Variants in TEX11 observed in about 807,000 individuals in gnomAD.
The protein encoded by TEX11 is testis-expressed protein 11.
In TEX11, 7 loss-of-function variants were observed where a neutral mutation model predicts 84.4. The ratio of observed to expected loss-of-function variants is 0.08; its 90% confidence interval spans 0.05 to 0.16. The LOEUF (loss-of-function observed/expected upper bound fraction) is 0.16. Ranked by LOEUF, TEX11 falls within the 10% of genes least tolerant of loss-of-function variation. The pLI is 1.00. For missense variants in TEX11, 551 were observed against 660.5 expected, an observed-to-expected ratio of 0.83 and a Z score of 1.82; for synonymous variants, 264 against 222.8, an observed-to-expected ratio of 1.18 and a Z score of -1.64.
the TEX11 span, among the ~76,000 whole-genome samples, chrX:70,514,213 C>T: frequency 2.7e-5 from 3 of 109,485 alleles, no homozygotes; most frequent in Non-Finnish European, 5.7e-5. Context: ...CCTAAGAAGG[C>T]GTCCTTTAGA....
At position 70,839,559 on chromosome X, in the gene TEX11, T is replaced by C. The variant is rs1458511948; in HGVS notation, c.526-5966A>G. On this transcript the variant is annotated intron_variant, in intron 7 of 29. Transcript: ENST00000374333. ...TGGGAAAAAAACAGAGCAGAAAAAC[T>C]GGAAACTCTAAAAGTCAGAGCGCCT... Among the ~76,000 whole-genome samples, 47 of 111,071 alleles carry C rather than the reference T, an allele frequency of 4.2e-4. 2 individuals are homozygous for C. The Admixed American group carries it at 4.5e-3, about 11-fold the overall frequency.
intron 9 of TEX11, among the ~76,000 whole-genome samples, chrX:70,789,903 G>T (rs757801338): frequency 8.9e-6 from 1 of 111,788 alleles, no homozygotes; most frequent in African/African-American, 3.2e-5. Flanking sequence ...ACAAATAAAT[G>T]GATTAAAAAA....
chrX:70,558,246 T>G (rs1486803402), intron 25 of TEX11, among the ~76,000 whole-genome samples: 2 of 110,996 alleles, frequency 1.8e-5, no homozygotes, highest in Non-Finnish European at 3.8e-5. Flanking sequence ...GGAACAGAAT[T>G]GACAACCCAG....
chrX:70,674,187 C>T lies in TEX11; in HGVS notation c.1243-3673G>A, dbSNP rs768097527. ...TGATCCTGTGTTAGTTTTCTCAGGA[C>T]GATAGCTTCCAGCTCCATCAATGTT... On this transcript the variant is annotated intron_variant, in intron 15 of 29. Coordinates refer to ENST00000374333, the MANE Select transcript of TEX11 (RefSeq NM_031276.3). Among the ~76,000 whole-genome samples, 262 of 112,136 alleles carry T rather than the reference C, an allele frequency of 2.3e-3. 1 individual carries two copies. Among genetic ancestry groups the T allele is most frequent in the African/African-American group, 8.1e-3 (251 of 30,916 alleles).
chrX:70,540,181 A>G (rs2088023501), intron 28 of TEX11, among the ~76,000 whole-genome samples: 1 of 112,564 alleles, frequency 8.9e-6, no homozygotes, highest in African/African-American at 3.2e-5. Context: ...GATCTCAAAT[A>G]ACGAAAAAAG....
At position 70,685,438 on chromosome X, in the gene TEX11, C is replaced by T. The variant is rs181884235; in HGVS notation, c.1005-2613G>A. On this transcript the variant is annotated intron_variant, in intron 13 of 29. Coordinates refer to ENST00000374333, the MANE Select transcript of TEX11 (RefSeq NM_031276.3). Reference sequence around the variant, plus strand: ...AATTGAACACATCCTACAGCACACACACAAATCAACAGAAAGTGCATTAAA... The same window carrying T: ...AATTGAACACATCCTACAGCACACATACAAATCAACAGAAAGTGCATTAAA... 1.2e-4 allele frequency among the ~76,000 whole-genome samples: 13 copies of T among 111,798 alleles called. No individual in the cohort carries two copies. The East Asian group carries it at 3.1e-3, about 27-fold the overall frequency.
chrX:70,854,329 T>G (rs969492873), intron 5 of TEX11, among the ~76,000 whole-genome samples: 9 of 110,020 alleles, frequency 8.2e-5, no homozygotes, highest in Non-Finnish European at 1.1e-4. Flanking sequence ...AGGTGGAAGG[T>G]TAAAGGGAAA....
intron 16 of TEX11, among the ~76,000 whole-genome samples, chrX:70,669,476 C>T (rs777663665): frequency 8.9e-6 from 1 of 112,476 alleles, no homozygotes; most frequent in South Asian, 3.7e-4. Flanking sequence ...TTTTCTGAAA[C>T]AGTTAAATGC....
At chrX:70,565,918 T>A (rs1397905674) in intron 25 of TEX11, among the ~76,000 whole-genome samples, 1 of 110,499 alleles carries the variant, frequency 9.0e-6, no homozygotes, top group Non-Finnish European at 1.9e-5. Context: ...AACTTTAAAG[T>A]AGTTTTTTCC....
Position 70,670,279 on chromosome X carries a change from C to A in TEX11, c.1380+98G>T, listed in dbSNP as rs2090011050. The A allele has an allele frequency of 5.1e-6, 5 of 982,213 alleles. No homozygotes were observed. The Admixed American group carries it at 1.6e-4, about 31-fold the overall frequency. The allele number at this position is 982,213 out of a possible 1,213,427, so 80.9% of individuals were successfully genotyped here. On this transcript the variant is annotated intron_variant, in intron 16 of 29. Coordinates refer to ENST00000374333, the MANE Select transcript of TEX11 (RefSeq NM_031276.3). ...TCTATATGAGGGAACTCTCAGACAT[C>A]CTAAACTAACAGCCAGGAAGTCACA...
chrX:70,528,870 T>A, downstream of TEX11: 1 of 401,088 alleles, frequency 2.5e-6, no homozygotes, highest in Non-Finnish European at 4.3e-6. Context: ...TCTCACATGG[T>A]CTATTTCAAT....
chrX:70,715,157 G>A (rs1398492670), intron 13 of TEX11, among the ~76,000 whole-genome samples: 1 of 110,196 alleles, frequency 9.1e-6, no homozygotes, highest in African/African-American at 3.4e-5. Context: ...TCTGCTGAGA[G>A]ATCAGCTGTT....
the TEX11 span, among the ~76,000 whole-genome samples, chrX:70,515,098 G>C: frequency 0.15 from 8,632 of 57,242 alleles, 406 homozygotes; most frequent in Admixed American, 0.35. Flanking sequence ...CACACACACA[G>C]AAAGAAGGAC....
At chrX:70,884,487 G>A (rs2091698096) in intron 2 of TEX11, among the ~76,000 whole-genome samples, 1 of 111,679 alleles carries the variant, frequency 9.0e-6, no homozygotes, top group African/African-American at 3.2e-5. Context: ...TGCAGAGGTT[G>A]GTTTGAATGA....
At chrX:70,689,296 T>G (rs2147667026) in intron 13 of TEX11, among the ~76,000 whole-genome samples, 1 of 111,255 alleles carries the variant, frequency 9.0e-6, no homozygotes, top group Non-Finnish European at 1.9e-5. Flanking sequence ...GTCTATATAC[T>G]CAGATTAGTA....
chrX:70,788,971 TATAGAGAGAGAGAGAGAGAG>T (rs1243988375), intron 9 of TEX11, among the ~76,000 whole-genome samples: 82 of 18,841 alleles, frequency 4.4e-3, no homozygotes, highest in South Asian at 8.6e-3. Flanking sequence ...TATATATATA[TATAGAGAGAGAGAGAGAGAG>T]AGAGAGAGAG....
intron 25 of TEX11, among the ~76,000 whole-genome samples, chrX:70,581,057 G>A (rs181316153): frequency 0.031 from 3,222 of 104,676 alleles, 49 homozygotes; most frequent in Middle Eastern, 0.051. Flanking sequence ...GCTGGAGTGC[G>A]GTGGCACAAT....
At chrX:70,831,669 G>A (rs750413219) in intron 8 of TEX11, among the ~76,000 whole-genome samples, 4 of 110,580 alleles carry the variant, frequency 3.6e-5, no homozygotes, top group African/African-American at 9.8e-5. Context: ...CATTTAGGCC[G>A]TATGAATAAG....
intron 28 of TEX11, among the ~76,000 whole-genome samples, chrX:70,547,419 G>T (rs899855409): frequency 9.0e-6 from 1 of 111,076 alleles, no homozygotes; most frequent in South Asian, 3.9e-4. Context: ...CAGACAAATG[G>T]GATCTAATTA....
Sources: allele counts gnomAD v4.1 joint callset (sites outside exome capture counted in the v4.1 genomes callset), GRCh38; gene constraint gnomAD v4.1.1; transcripts MANE v1.5; gene names NCBI Gene and HGNC (gene_info 2026-07-23, HGNC 2026-07-21).